KLRD1: variants seen among roughly 807,000 people sequenced by gnomAD.
KLRD1 encodes natural killer cells antigen CD94.
In KLRD1, 21 loss-of-function variants were observed where a neutral mutation model predicts 22.6. That is an observed-to-expected ratio of 0.93 (90% CI 0.66 to 1.34). The LOEUF (loss-of-function observed/expected upper bound fraction) is 1.34, where lower values mean the gene tolerates loss of function less well. KLRD1 is among the 40% of genes most tolerant of loss of function. The pLI is 0.00. For missense variants in KLRD1, 183 were observed against 208.6 expected (o/e 0.88, Z 0.76); for synonymous variants, 59 against 71.1 (o/e 0.83, Z 0.85).
At chr12:10,293,157 C>T (rs866236715) in intron 1 of KLRD1, among the ~76,000 whole-genome samples, 1 of 32,430 alleles carries the variant, frequency 3.1e-5, no homozygotes, top group Non-Finnish European at 6.9e-5. Flanking sequence ...AAACTTTCTC[C>T]ATATATATAT....
chr12:10,254,167 G>T (rs1949370384), intron 1 of KLRD1, among the ~76,000 whole-genome samples: 1 of 151,798 alleles, frequency 6.6e-6, no homozygotes, highest in Non-Finnish European at 1.5e-5. Context: ...GGTGGCTCAC[G>T]CCTGTAATCC....
chr12:10,262,230 G>T (rs1432314100), intron 1 of KLRD1, among the ~76,000 whole-genome samples: 1 of 151,878 alleles, frequency 6.6e-6, no homozygotes, highest in Non-Finnish European at 1.5e-5. Context: ...CTTCATTATT[G>T]GTCTTGATGG....
At chr12:10,285,541 C>T (rs181170380) in intron 1 of KLRD1, among the ~76,000 whole-genome samples, 1 of 152,298 alleles carries the variant, frequency 6.6e-6, no homozygotes, top group Non-Finnish European at 1.5e-5. Context: ...TATCAATAGT[C>T]ACCAGGATAA....
intron 5 of KLRD1, 65 bp from the exon 6 acceptor site, chr12:10,314,608 T>A (rs1278574463): frequency 1.4e-6 from 2 of 1,416,000 alleles, no homozygotes. Context: ...ATCATTTAAT[T>A]GAAAAATGCC....
chr12:10,251,061 A>G (rs1178045824), intron 1 of KLRD1, among the ~76,000 whole-genome samples: 1 of 152,146 alleles, frequency 6.6e-6, no homozygotes, highest in Non-Finnish European at 1.5e-5. Flanking sequence ...ACTAGCATTA[A>G]CTACAGATGT....
intron 1 of KLRD1, among the ~76,000 whole-genome samples, chr12:10,239,066 A>G (rs997541175): frequency 3.9e-5 from 6 of 152,236 alleles, no homozygotes; most frequent in Non-Finnish European, 7.3e-5. Context: ...AACTTTCACC[A>G]AAGACTTTTC....
chr12:10,254,555 T>TA (rs1949376593), intron 1 of KLRD1, among the ~76,000 whole-genome samples: 1 of 150,930 alleles, frequency 6.6e-6, no homozygotes, highest in Admixed American at 6.6e-5. Flanking sequence ...CGAAGGAACT[T>TA]AAACAAATCT....
intron 1 of KLRD1, among the ~76,000 whole-genome samples, chr12:10,277,241 C>G (rs1458019057): frequency 2.6e-5 from 4 of 151,116 alleles, no homozygotes; most frequent in South Asian, 2.1e-4. Flanking sequence ...TTAACTGTAT[C>G]CCCACTACTG....
At chr12:10,304,157 G>A (rs574045968), upstream of KLRD1, among the ~76,000 whole-genome samples, 1 of 152,298 alleles carries the variant, frequency 6.6e-6, no homozygotes, top group East Asian at 1.9e-4. Context: ...ATTGTGAGAT[G>A]CAGACAAAAC....
intron 1 of KLRD1, among the ~76,000 whole-genome samples, chr12:10,290,394 G>T (rs1219656294): frequency 6.6e-6 from 1 of 152,222 alleles, no homozygotes; most frequent in Non-Finnish European, 1.5e-5. Flanking sequence ...AATTTAAAAT[G>T]ATGTTAGGAT....
chr12:10,294,958 A>G lies in KLRD1; in HGVS notation c.-100-13020A>G, dbSNP rs150589195. 2.0e-3 allele frequency among the ~76,000 whole-genome samples: 312 copies of G among 152,332 alleles called. 1 individual carries two copies. The highest frequency in any genetic ancestry group is 3.9e-3 in the Non-Finnish European group (266 of 68,034). On this transcript the variant is annotated intron_variant, in intron 1 of 5. Coordinates refer to the KLRD1 transcript ENST00000544747. ...GGTTAGAGGTCAAGACAGCGCTAAC[A>G]TCTATAAAGAGAAAGAGGGTAGTAA...
rs912458930 is a variant in KLRD1 at position 10,320,439 on chromosome 12, T to C, written c.*5646T>C. On this transcript the variant is annotated 3_prime_UTR_variant, in exon 6 of 6. Coordinates refer to ENST00000336164, the MANE Select transcript of KLRD1 (RefSeq NM_002262.5). ...TTAGTACCAGAAAGTTTAGCAACAC[T>C]TTTGTCTGTAGCATTGTGGAAAGTA... 8 of 152,156 alleles carry C rather than the reference T, an allele frequency of 5.3e-5. No homozygotes were observed. Among genetic ancestry groups the C allele is most frequent in the African/African-American group, 1.9e-4 (8 of 41,430 alleles). The allele number at this position is 152,156 out of a possible 1,614,324, so 9.4% of individuals were successfully genotyped here.
chr12:10,311,448 T>G lies in KLRD1; in HGVS notation c.164-16T>G. The G allele has an allele frequency of 6.2e-7, 1 of 1,609,732 alleles. No homozygotes were observed. ...AGTCTCCAGTGTCATTAGTCATGCT[T>G]TATGTTTTCTGTCAGACTCTGACTG... On this transcript the variant is annotated splice_polypyrimidine_tract_variant and intron_variant, in intron 3 of 5. Coordinates refer to ENST00000336164, the MANE Select transcript of KLRD1 (RefSeq NM_002262.5).
Position 10,321,434 on chromosome 12 carries a change from G to A in KLRD1, c.*6641G>A, listed in dbSNP as rs957946589. Reference sequence around the variant, plus strand: ...AGATTTGGCAGTTGGTGTGGATTTTGTATGTGGGAGGGACATAAATCATTT... The same window carrying A: ...AGATTTGGCAGTTGGTGTGGATTTTATATGTGGGAGGGACATAAATCATTT... On this transcript the variant is annotated 3_prime_UTR_variant, in exon 6 of 6. Coordinates refer to ENST00000336164, the MANE Select transcript of KLRD1 (RefSeq NM_002262.5). 2.0e-5 allele frequency: 3 copies of A among 152,304 alleles called. No homozygotes were observed. Among genetic ancestry groups the A allele is most frequent in the East Asian group, 1.9e-4 (1 of 5,182 alleles). The allele number at this position is 152,304 out of a possible 1,614,324, so 9.4% of individuals were successfully genotyped here.
At chr12:10,297,162 C>G (rs1011158492) in intron 1 of KLRD1, among the ~76,000 whole-genome samples, 1 of 152,196 alleles carries the variant, frequency 6.6e-6, no homozygotes, top group Non-Finnish European at 1.5e-5. Context: ...CCTGTGCTCA[C>G]GCAAGTTGTA....
Position 10,314,747 on chromosome 12 carries a change from C to A in KLRD1, c.494C>A (p.Ser165Tyr). Residue 165 changes from serine to tyrosine, a missense_variant, in exon 6 of 6, where the codon TCC becomes TAC. By Grantham distance (144) the Ser-to-Tyr change is moderately radical. Transcript: ENST00000336164. Reference sequence around the variant, plus strand: ...CCAAATGGAAATGCTTTAGATGAATCCTGTGAAGATAAAAATCGTTATATC... The same window carrying A: ...CCAAATGGAAATGCTTTAGATGAATACTGTGAAGATAAAAATCGTTATATC... Reference protein sequence around the residue: ...YNPNGNALDESCEDKNRYICK... With the variant: ...YNPNGNALDEYCEDKNRYICK... 1.9e-6 allele frequency: 3 copies of A among 1,604,212 alleles called. No homozygotes were observed. The highest frequency in any genetic ancestry group is 1.3e-5 in the African/African-American group (1 of 74,682).
At chr12:10,256,083 T>C (rs1949392497) in intron 1 of KLRD1, among the ~76,000 whole-genome samples, 1 of 152,062 alleles carries the variant, frequency 6.6e-6, no homozygotes, top group Admixed American at 6.5e-5. Flanking sequence ...ATATTCTTTG[T>C]CTTTTATATA....
In KLRD1 at chr12:10,314,814, G is replaced by C; in HGVS notation, c.*21G>C. ...TTTAAATGTTTCTTGGGGCAGAGAA[G>C]GTGGAGAGTAAAGACCCAACATTAC... is the stretch of plus-strand genomic sequence containing the variant. On this transcript the variant is annotated 3_prime_UTR_variant, in exon 6 of 6. Coordinates refer to ENST00000336164, the MANE Select transcript of KLRD1 (RefSeq NM_002262.5). The C allele has an allele frequency of 6.3e-7, 1 of 1,596,170 alleles. No homozygotes were observed. The highest frequency in any genetic ancestry group is 8.5e-7 in the Non-Finnish European group (1 of 1,174,130).
intron 1 of KLRD1, among the ~76,000 whole-genome samples, chr12:10,280,917 A>C (rs911645054): frequency 2.9e-4 from 44 of 152,138 alleles, no homozygotes; most frequent in African/African-American, 1.0e-3. Flanking sequence ...TGTAGGTAAA[A>C]GGGGTCCAGA....
Sources: allele counts gnomAD v4.1 joint callset (sites outside exome capture counted in the v4.1 genomes callset), GRCh38; gene constraint gnomAD v4.1.1; transcripts MANE v1.5; gene names NCBI Gene and HGNC (gene_info 2026-07-23, HGNC 2026-07-21).